Variants in ASIC2 observed in about 807,000 individuals in gnomAD.
The protein encoded by ASIC2 is acid sensing ion channel subunit 2.
Under a neutral mutation model 57.3 loss-of-function variants are expected in ASIC2, and 25 were observed. That is an observed-to-expected ratio of 0.44 (90% CI 0.32 to 0.61). ASIC2 has a LOEUF of 0.61. Ranked by LOEUF, ASIC2 falls within the 20% of genes least tolerant of loss-of-function variation. The pLI is 0.06. For synonymous variants in ASIC2, 319 were observed against 307.5 expected, an observed-to-expected ratio of 1.04 and a Z score of -0.39; for missense variants, 641 against 738.1, an observed-to-expected ratio of 0.87 and a Z score of 1.52.
At chr17:33,543,302 C>CAAAAACA (rs1555542492) in intron 1 of ASIC2, among the ~76,000 whole-genome samples, 14,316 of 127,410 alleles carry the variant, frequency 0.11, 1,788 homozygotes, top group African/African-American at 0.33. Flanking sequence ...AAAACAAAAA[C>CAAAAACA]AAAAAAAACA....
chr17:33,035,752 T>C (rs551285647), intron 3 of ASIC2, among the ~76,000 whole-genome samples: 19 of 152,350 alleles, frequency 1.2e-4, no homozygotes, highest in African/African-American at 3.8e-4. Flanking sequence ...CTTTCAACTG[T>C]TGTCATCCCC....
intron 1 of ASIC2, among the ~76,000 whole-genome samples, chr17:33,414,909 T>C (rs1319499434): frequency 6.6e-6 from 1 of 152,204 alleles, no homozygotes; most frequent in Admixed American, 6.5e-5. Context: ...TACTTTCTTC[T>C]AATCAGGACA....
chr17:33,830,561 T>G (rs1424630242), intron 1 of ASIC2, among the ~76,000 whole-genome samples: 1 of 152,128 alleles, frequency 6.6e-6, no homozygotes, highest in Non-Finnish European at 1.5e-5. Context: ...AAAATTTTTT[T>G]TTTACTTTAA....
chr17:33,584,276 G>A (rs182606786), intron 1 of ASIC2, among the ~76,000 whole-genome samples: 16 of 152,260 alleles, frequency 1.1e-4, no homozygotes, highest in Non-Finnish European at 8.8e-5. Flanking sequence ...GACATGTGTT[G>A]TCAATGATTA....
intron 1 of ASIC2, among the ~76,000 whole-genome samples, chr17:33,866,407 G>GA (rs1914239198): frequency 6.6e-6 from 1 of 152,034 alleles, no homozygotes; most frequent in East Asian, 1.9e-4. Context: ...TTCTATTGAT[G>GA]AAAATTTTGA....
At chr17:33,839,978 G>A (rs968188595) in intron 1 of ASIC2, among the ~76,000 whole-genome samples, 3 of 152,208 alleles carry the variant, frequency 2.0e-5, no homozygotes, top group African/African-American at 7.2e-5. Flanking sequence ...TTAGGGATAG[G>A]TTGCTATTTC....
intron 1 of ASIC2, among the ~76,000 whole-genome samples, chr17:33,525,914 C>G (rs1018614932): frequency 3.2e-4 from 49 of 152,182 alleles, no homozygotes; most frequent in African/African-American, 1.1e-3. Flanking sequence ...GCATTTACTG[C>G]CTGTCCTGCT....
chr17:33,080,562 A>G (rs552068809), intron 3 of ASIC2, among the ~76,000 whole-genome samples: 69 of 152,266 alleles, frequency 4.5e-4, no homozygotes, highest in African/African-American at 1.6e-3. Context: ...ATACATACAT[A>G]CATACATACC....
intron 1 of ASIC2, among the ~76,000 whole-genome samples, chr17:33,809,896 A>G (rs1597885046): frequency 6.6e-6 from 1 of 152,360 alleles, no homozygotes; most frequent in South Asian, 2.1e-4. Flanking sequence ...ATTCTTTTCA[A>G]TAAAGCAAGG....
chr17:33,603,191 A>G (rs1567666307), intron 1 of ASIC2, among the ~76,000 whole-genome samples: 1 of 152,230 alleles, frequency 6.6e-6, no homozygotes, highest in Non-Finnish European at 1.5e-5. Flanking sequence ...ACACATCCAC[A>G]GAGCCCCCGT....
In ASIC2 at chr17:33,283,312, T is replaced by G. The variant is rs1423352083; in HGVS notation, c.708+8096A>C. Reference sequence around the variant, plus strand: ...GGGCTTCCAGGAGCCCACAGCCCTGTCTCTCAAAGCGAGTGTGGTTTGTGG... The same window carrying G: ...GGGCTTCCAGGAGCCCACAGCCCTGGCTCTCAAAGCGAGTGTGGTTTGTGG... On this transcript the variant is annotated intron_variant, in intron 1 of 9. Transcript: ENST00000225823. Among the ~76,000 whole-genome samples, 1,150 of 152,276 alleles carry G rather than the reference T, an allele frequency of 7.6e-3. 12 individuals are homozygous for G. The highest frequency in any genetic ancestry group is 0.026 in the African/African-American group (1,078 of 41,546).
chr17:33,355,344 G>A (rs1006387960), intron 1 of ASIC2, among the ~76,000 whole-genome samples: 1 of 152,132 alleles, frequency 6.6e-6, no homozygotes, highest in Admixed American at 6.5e-5. Flanking sequence ...AAAAGAAAAA[G>A]CAATGAAGCC....
In ASIC2 at chr17:33,976,260, G is replaced by A. The variant is rs188521416; in HGVS notation, c.555+179718C>T. ...ATCTAAAGGTGCTTTGAAATGGTAC[G>A]AGTGTTACTTGGTCTAATTCAGTCT... On this transcript the variant is annotated intron_variant, in intron 1 of 9. Coordinates refer to the ASIC2 transcript ENST00000359872. Among the ~76,000 whole-genome samples the A allele has an allele frequency of 2.0e-3, 306 of 152,090 alleles. 1 individual carries two copies. Among genetic ancestry groups the A allele is most frequent in the African/African-American group, 6.6e-3 (273 of 41,492 alleles).
At chr17:33,498,360 G>C (rs894332517) in intron 1 of ASIC2, among the ~76,000 whole-genome samples, 1 of 152,244 alleles carries the variant, frequency 6.6e-6, no homozygotes, top group African/African-American at 2.4e-5. Flanking sequence ...AAGACAGGGA[G>C]TCAGGCAGTG....
chr17:33,391,736 A>T (rs1909897923), intron 1 of ASIC2, among the ~76,000 whole-genome samples: 1 of 152,200 alleles, frequency 6.6e-6, no homozygotes, highest in Non-Finnish European at 1.5e-5. Flanking sequence ...ATCATATATA[A>T]ACTCATCCAT....
intron 1 of ASIC2, among the ~76,000 whole-genome samples, chr17:33,590,578 C>T (rs1340535397): frequency 6.7e-6 from 1 of 150,180 alleles, no homozygotes; most frequent in African/African-American, 2.5e-5. Flanking sequence ...TACACCACAC[C>T]CCAATCTCTA....
chr17:33,895,518 T>C (rs1915075119), intron 1 of ASIC2, among the ~76,000 whole-genome samples: 1 of 152,192 alleles, frequency 6.6e-6, no homozygotes, highest in Non-Finnish European at 1.5e-5. Flanking sequence ...TGGCCTGCCA[T>C]TCTGGGCTTG....
chr17:33,690,110 T>C (rs1908318974), intron 1 of ASIC2, among the ~76,000 whole-genome samples: 1 of 152,250 alleles, frequency 6.6e-6, no homozygotes, highest in Admixed American at 6.5e-5. Context: ...AAACTCACAA[T>C]GATAAGGCAC....
At chr17:34,091,793 A>G (rs1910340399) in intron 1 of ASIC2, among the ~76,000 whole-genome samples, 1 of 152,218 alleles carries the variant, frequency 6.6e-6, no homozygotes, top group Non-Finnish European at 1.5e-5. Flanking sequence ...GGCAGTTAAT[A>G]CAGTGTAAAG....
Sources: allele counts gnomAD v4.1 joint callset (sites outside exome capture counted in the v4.1 genomes callset), GRCh38; gene constraint gnomAD v4.1.1; transcripts MANE v1.5; gene names NCBI Gene and HGNC (gene_info 2026-07-23, HGNC 2026-07-21).